Variants in PSME4 observed in about 807,000 individuals in gnomAD.
PSME4 encodes the protein proteasome activator complex subunit 4.
PSME4 carries 89 observed loss-of-function variants against 253.9 expected under a neutral mutation model. The ratio of observed to expected loss-of-function variants is 0.35; its 90% CI spans 0.30 to 0.42. The LOEUF (loss-of-function observed/expected upper bound fraction) is 0.42, where lower values mean the gene tolerates loss of function less well. Ranked by LOEUF, PSME4 falls within the 10% of genes least tolerant of loss-of-function variation. The probability of loss-of-function intolerance (pLI) is 1.00; values close to 1 mark genes in which losing one functional copy is unlikely to be tolerated. For synonymous variants in PSME4, 851 were observed against 759.2 expected (o/e 1.12, Z -1.99); for missense variants, 2,014 against 2,195.2 (o/e 0.92, Z 1.65).
chr2:53,925,904 A>G (rs376614367), intron 13 of PSME4, 55 bp downstream of exon 13: 11 of 1,520,234 alleles, frequency 7.2e-6, no homozygotes, highest in Non-Finnish European at 9.1e-6. Context: ...TTTCTGGGAT[A>G]GAAGAGTCAT....
intron 43 of PSME4, among the ~76,000 whole-genome samples, chr2:53,874,073 G>A (rs866302854): frequency 2.6e-5 from 4 of 152,164 alleles, no homozygotes; most frequent in South Asian, 2.1e-4. Flanking sequence ...GCGATCCTCC[G>A]ACCTCGACCT....
chr2:53,902,802 A>T (rs763281836), intron 27 of PSME4, among the ~76,000 whole-genome samples: 3 of 152,248 alleles, frequency 2.0e-5, no homozygotes, highest in Non-Finnish European at 4.4e-5. Flanking sequence ...AAATGAATGA[A>T]CATGGCTGTG....
At chr2:53,887,577 G>T in intron 39 of PSME4, 110 bp from the exon 40 acceptor site, 1 of 1,043,296 alleles carries the variant, frequency 9.6e-7, no homozygotes. Flanking sequence ...AATTCCTGGA[G>T]TGGGTCTTAG....
At chr2:53,940,225 A>G (rs561375808) in intron 3 of PSME4, among the ~76,000 whole-genome samples, 2 of 152,262 alleles carry the variant, frequency 1.3e-5, no homozygotes, top group South Asian at 4.2e-4. Flanking sequence ...GGTATGAACT[A>G]AAGGGAAAAA....
At chr2:53,935,786 T>C (rs992257596) in intron 7 of PSME4, among the ~76,000 whole-genome samples, 10 of 152,222 alleles carry the variant, frequency 6.6e-5, no homozygotes, top group African/African-American at 2.2e-4. Context: ...ATATATGTTT[T>C]TACTAATGAT....
rs753908458 is a variant in PSME4, at chr2:53,893,767, A to G, written c.3945T>C (p.Asp1315=). ...AEQIIFDHFS[D]PKFVEQLITF... ...TAATTAACTGCTCAACAAATTTAGG[A>G]TCAGAAAAATGATCAAATATAATCT... is the stretch of plus-strand genomic sequence containing the variant. The change falls in exon 35 of 47, where the codon GAT becomes GAC. Residue 1315 remains aspartate, a synonymous_variant. Coordinates refer to ENST00000404125, the MANE Select transcript of PSME4 (RefSeq NM_014614.3). 2 of 1,610,300 alleles carry G rather than the reference A, an allele frequency of 1.2e-6. No homozygotes were observed. The highest frequency in any genetic ancestry group is 1.7e-6 in the Non-Finnish European group (2 of 1,178,108).
chr2:53,925,821 C>T (rs1179532296), intron 13 of PSME4, 132 bp from the exon 14 acceptor site: 6 of 1,258,422 alleles, frequency 4.8e-6, no homozygotes, highest in South Asian at 2.7e-5. Context: ...GTTCACAAAT[C>T]GATTATCCTT....
chr2:53,877,090 T>G (rs1392055580), intron 41 of PSME4, among the ~76,000 whole-genome samples: 1 of 151,982 alleles, frequency 6.6e-6, no homozygotes, highest in Admixed American at 6.6e-5. Context: ...ATGTATGCTG[T>G]CTGATGCCTT....
At chr2:53,936,059 T>A in intron 7 of PSME4, 28 bp downstream of exon 7, 1 of 1,606,662 alleles carries the variant, frequency 6.2e-7, no homozygotes. Flanking sequence ...CCATGCCTGA[T>A]AATTTTTTTC....
At chr2:53,964,905 C>G (rs1211901499) in intron 1 of PSME4, among the ~76,000 whole-genome samples, 1 of 152,162 alleles carries the variant, frequency 6.6e-6, no homozygotes, top group Admixed American at 6.5e-5. Context: ...AATAAAACAA[C>G]TGTACTTTCA....
intron 1 of PSME4, among the ~76,000 whole-genome samples, chr2:53,969,182 A>C (rs1056541463): frequency 1.3e-5 from 2 of 152,146 alleles, no homozygotes; most frequent in Non-Finnish European, 2.9e-5. Flanking sequence ...TCCCTGTTGC[A>C]TTCCTGCTTC....
chr2:53,891,833 G>A (rs571742404), intron 36 of PSME4, among the ~76,000 whole-genome samples: 3 of 147,144 alleles, frequency 2.0e-5, no homozygotes, highest in African/African-American at 7.6e-5. Context: ...CAGCCTGGGC[G>A]ATAGGGCGAT....
chr2:53,924,571 A>C (rs1321733179), intron 14 of PSME4, among the ~76,000 whole-genome samples: 3 of 152,190 alleles, frequency 2.0e-5, no homozygotes, highest in African/African-American at 7.2e-5. Context: ...GCAATTTCTA[A>C]AACTCAGCTG....
intron 1 of PSME4, among the ~76,000 whole-genome samples, chr2:53,951,183 A>G: frequency 6.6e-6 from 1 of 152,082 alleles, no homozygotes; most frequent in East Asian, 1.9e-4. Flanking sequence ...CCTGGATTCA[A>G]GCAATTCTCC....
At chr2:53,890,012 AAG>A (rs2104425471) in intron 37 of PSME4, 90 bp downstream of exon 37, 1 of 972,028 alleles carries the variant, frequency 1.0e-6, no homozygotes, top group East Asian at 2.5e-5. Flanking sequence ...AAAAAGATTT[AAG>A]AAGTGTTATG....
In PSME4 at chr2:53,937,518, C is replaced by A; in HGVS notation, c.568G>T (p.Ala190Ser). 6.2e-7 allele frequency: 1 copy of A among 1,610,024 alleles called. No homozygotes were observed. The highest frequency in any genetic ancestry group is 1.1e-5 in the South Asian group (1 of 90,140). Reference sequence around the variant, plus strand: ...GGTCGCCATTCTTCTAGCATCTCAGCGGTGGCATCTGCTGGAAAATATCTA... The same window carrying A: ...GGTCGCCATTCTTCTAGCATCTCAGAGGTGGCATCTGCTGGAAAATATCTA... ...CRPYFPADAT[A>S]EMLEEWRPLM... The change falls in exon 5 of 47, where the codon GCT becomes TCT. Residue 190 changes from alanine to serine, a missense_variant. Around this residue, in one of 4 missense-constraint regions of PSME4, gnomAD observed 615 missense variants for 594.4 expected, o/e 1.03. Transcript: ENST00000404125.
chr2:53,960,119 G>T (rs1670415302), intron 1 of PSME4, among the ~76,000 whole-genome samples: 1 of 152,174 alleles, frequency 6.6e-6, no homozygotes, highest in Non-Finnish European at 1.5e-5. Context: ...GTCATAGGAG[G>T]CCAGGCATGG....
intron 43 of PSME4, among the ~76,000 whole-genome samples, chr2:53,873,192 G>A (rs889480899): frequency 7.0e-6 from 1 of 143,474 alleles, no homozygotes; most frequent in Non-Finnish European, 1.5e-5. Context: ...AGTGAGCTGA[G>A]AGCGTGCCAC....
chr2:53,894,875 T>G, intron 34 of PSME4, 132 bp downstream of exon 34: 3 of 710,992 alleles, frequency 4.2e-6, no homozygotes, highest in Non-Finnish European at 6.9e-6. Context: ...TCACCAATAT[T>G]TATGCAGTGC....
Sources: gnomAD v4.1 joint callset for allele counts (sites outside exome capture counted in the v4.1 genomes callset) on GRCh38, gnomAD v4.1.1 for gene constraint, gnomAD v4.1.1 regional missense constraint, MANE v1.5 for transcripts, NCBI Gene and HGNC (gene_info 2026-07-23, HGNC 2026-07-21) for gene names.